The following GULP1 variants were observed in gnomAD, a reference collection of about 807,000 sequenced individuals.
GULP1 encodes the protein GULP PTB domain containing engulfment adaptor 1, also known as PTB domain-containing engulfment adapter protein 1.
In GULP1, 19 loss-of-function variants were observed where a neutral mutation model predicts 40.9. The observed-to-expected ratio is 0.46, with a 90% confidence interval of 0.32 to 0.68. The LOEUF (loss-of-function observed/expected upper bound fraction) is 0.68, where lower values mean the gene tolerates loss of function less well. GULP1 is among the 30% of genes least tolerant of loss of function. The probability of loss-of-function intolerance (pLI) is 0.03; values close to 1 mark genes in which losing one functional copy is unlikely to be tolerated. For missense variants in GULP1, 312 were observed against 362.2 expected, an observed-to-expected ratio of 0.86 and a Z score of 1.12; for synonymous variants, 119 against 117.6, an observed-to-expected ratio of 1.01 and a Z score of -0.08.
At chr2:188,317,646 A>C (rs1330023308) in intron 1 of GULP1, among the ~76,000 whole-genome samples, 1 of 152,138 alleles carries the variant, frequency 6.6e-6, no homozygotes, top group African/African-American at 2.4e-5. Flanking sequence ...TTGTATTTAT[A>C]TGTGCCATGT....
rs1476363884 is a variant in GULP1, at chr2:188,465,895, G to A, written c.-44-11764G>A. 3.9e-5 allele frequency among the ~76,000 whole-genome samples: 6 copies of A among 152,000 alleles called. No homozygotes were observed. The East Asian group carries it at 7.7e-4, about 20-fold the overall frequency. On this transcript the variant is annotated intron_variant, in intron 2 of 11. Transcript: ENST00000409830. ...GACTGTTTTTCCAGTGCCTCTTTCC[G>A]TGGTATGAAGGTAAAACCAGGTAGT...
At chr2:188,319,152 G>A (rs930042144) in intron 1 of GULP1, among the ~76,000 whole-genome samples, 6 of 152,114 alleles carry the variant, frequency 3.9e-5, no homozygotes, top group Non-Finnish European at 5.9e-5. Context: ...CAAGATATTT[G>A]CATTAAATGT....
chr2:188,304,818 T>G lies in GULP1; in HGVS notation c.-172+12652T>G, dbSNP rs537908415. Among the ~76,000 whole-genome samples, 89 of 152,326 alleles carry G rather than the reference T, an allele frequency of 5.8e-4. 1 individual carries two copies. Among genetic ancestry groups the G allele is most frequent in the African/African-American group, 2.1e-3 (87 of 41,568 alleles). On this transcript the variant is annotated intron_variant, in intron 1 of 11. Transcript: ENST00000409830. ...TAAAGCATAAAAATTAATGCATTGT[T>G]TAAGGAAAAACTCTCAAACTATGTT...
chr2:188,393,655 G>GT (rs977524174), intron 2 of GULP1, among the ~76,000 whole-genome samples: 2 of 151,982 alleles, frequency 1.3e-5, no homozygotes, highest in African/African-American at 4.8e-5. Flanking sequence ...CTTTGTTATT[G>GT]TTTTTTAAGC....
intron 2 of GULP1, among the ~76,000 whole-genome samples, chr2:188,438,555 T>C (rs1348576162): frequency 6.6e-6 from 1 of 151,538 alleles, no homozygotes; most frequent in African/African-American, 2.4e-5. Flanking sequence ...AATTTTGTTT[T>C]TTTCTGTCAT....
At chr2:188,402,222 A>C (rs904979332) in intron 2 of GULP1, among the ~76,000 whole-genome samples, 1 of 152,172 alleles carries the variant, frequency 6.6e-6, no homozygotes, top group Non-Finnish European at 1.5e-5. Flanking sequence ...TAGTACCTAC[A>C]GTAAGGAAAA....
At chr2:188,385,997 C>A (rs2152520728) in intron 2 of GULP1, among the ~76,000 whole-genome samples, 1 of 152,298 alleles carries the variant, frequency 6.6e-6, no homozygotes, top group African/African-American at 2.4e-5. Flanking sequence ...TGCCTGTTAA[C>A]CAGTTCCTAA....
chr2:188,511,146 C>T (rs893802311), intron 4 of GULP1, among the ~76,000 whole-genome samples: 2 of 152,096 alleles, frequency 1.3e-5, no homozygotes, highest in East Asian at 1.9e-4. Context: ...AATCAGTATT[C>T]GGAAACTCAT....
chr2:188,489,248 T>G (rs1449530708), intron 4 of GULP1, among the ~76,000 whole-genome samples: 8 of 152,076 alleles, frequency 5.3e-5, no homozygotes, highest in Non-Finnish European at 8.8e-5. Flanking sequence ...GATGCCTTGT[T>G]GAAACATCCC....
intron 1 of GULP1, among the ~76,000 whole-genome samples, chr2:188,312,074 T>C (rs2038243571): frequency 1.3e-5 from 2 of 152,016 alleles, no homozygotes; most frequent in East Asian, 3.9e-4. Context: ...TTCAATATAA[T>C]TCAAAAACAC....
At chr2:188,404,522 T>C (rs1038687103) in intron 2 of GULP1, among the ~76,000 whole-genome samples, 1 of 152,046 alleles carries the variant, frequency 6.6e-6, no homozygotes, top group Non-Finnish European at 1.5e-5. Context: ...AAACCCAGTG[T>C]TGGGCAGGTT....
At chr2:188,381,489 AT>A (rs1306614555) in intron 1 of GULP1, among the ~76,000 whole-genome samples, 2 of 152,110 alleles carry the variant, frequency 1.3e-5, no homozygotes, top group African/African-American at 4.8e-5. Flanking sequence ...ATTAACAATT[AT>A]TTATCTTGAT....
In GULP1 at chr2:188,519,754, G is replaced by A. The variant is rs185444256; in HGVS notation, c.91-3002G>A. 3.0e-3 allele frequency among the ~76,000 whole-genome samples: 462 copies of A among 152,252 alleles called. 1 individual carries two copies. The highest frequency in any genetic ancestry group is 0.01 in the African/African-American group (418 of 41,536). ...GATGGCCTGACTCTGACCCAGGCTA[G>A]TCAAATCAGACTTGCAGGCAATAGT... On this transcript the variant is annotated intron_variant, in intron 4 of 11. Transcript: ENST00000409830.
At chr2:188,567,888 CTTCT>C (rs1437761945) in intron 7 of GULP1, among the ~76,000 whole-genome samples, 1 of 152,134 alleles carries the variant, frequency 6.6e-6, no homozygotes, top group African/African-American at 2.4e-5. Flanking sequence ...ATCAAAACCA[CTTCT>C]TTAATATTAC....
intron 1 of GULP1, among the ~76,000 whole-genome samples, chr2:188,350,225 T>A (rs1240916999): frequency 6.6e-6 from 1 of 152,108 alleles, no homozygotes; most frequent in African/African-American, 2.4e-5. Flanking sequence ...GATTATCAAT[T>A]TCTTCAAGAA....
intron 4 of GULP1, among the ~76,000 whole-genome samples, chr2:188,519,064 G>A (rs1559335638): frequency 6.6e-6 from 1 of 151,958 alleles, no homozygotes; most frequent in Non-Finnish European, 1.5e-5. Flanking sequence ...AAAAAATACA[G>A]GAAGTATAAG....
intron 4 of GULP1, among the ~76,000 whole-genome samples, chr2:188,488,692 A>G (rs1028253438): frequency 6.6e-6 from 1 of 152,050 alleles, no homozygotes; most frequent in African/African-American, 2.4e-5. Flanking sequence ...CTGAAGCACA[A>G]CAGGAGACTC....
At chr2:188,425,733 A>G (rs1179114953) in intron 2 of GULP1, among the ~76,000 whole-genome samples, 2 of 152,144 alleles carry the variant, frequency 1.3e-5, no homozygotes, top group South Asian at 2.1e-4. Context: ...CCTCATCTAT[A>G]TGAGTACTGA....
chr2:188,462,502 G>A (rs2059790569), intron 2 of GULP1, among the ~76,000 whole-genome samples: 1 of 152,112 alleles, frequency 6.6e-6, no homozygotes, highest in South Asian at 2.1e-4. Context: ...GATATTTCCA[G>A]TGCTTATAGT....
Sources: gnomAD v4.1 joint callset for allele counts (sites outside exome capture counted in the v4.1 genomes callset) on GRCh38, gnomAD v4.1.1 for gene constraint, MANE v1.5 for transcripts, NCBI Gene and HGNC (gene_info 2026-07-23, HGNC 2026-07-21) for gene names.